Variants in PKHD1 observed in about 807,000 individuals in gnomAD.
The protein encoded by PKHD1 is PKHD1 ciliary IPT domain containing fibrocystin/polyductin.
In PKHD1, 291 loss-of-function variants were observed where a neutral mutation model predicts 412.0. The ratio of observed to expected loss-of-function variants is 0.71; its 90% CI spans 0.64 to 0.78. PKHD1 has a LOEUF of 0.78. Among genes scored for constraint, PKHD1 ranks in the 30% least tolerant of loss-of-function variants. The pLI is 0.00. For synonymous variants in PKHD1, 1,777 were observed against 1,821.5 expected (o/e 0.98, Z 0.62); for missense variants, 4,825 against 4,950.7 (o/e 0.97, Z 0.76).
In PKHD1 at chr6:52,025,404, G is replaced by C. The variant is rs748764955; in HGVS notation, c.4406C>G (p.Thr1469Ser). 1 of 1,610,482 alleles carries C rather than the reference G, an allele frequency of 6.2e-7. No homozygotes were observed. Among genetic ancestry groups the C allele is most frequent in the Admixed American group, 1.7e-5 (1 of 59,902 alleles). ...LNVTVLVNGL[T>S]SECQGNCTLF... ...AGTGCAATTCCCCTGACACTCGCTG[G>C]TTAGCCCATTGACCAGGACTGTGAC... The change falls in exon 32 of 67, where the codon ACC (threonine) becomes AGC (serine). Residue 1469 changes from threonine (T) to serine (S), a missense_variant. Thr to Ser is a moderately conservative substitution (Grantham distance 58, BLOSUM62 1). Coordinates refer to ENST00000371117, the MANE Select transcript of PKHD1 (RefSeq NM_138694.4).
chr6:52,013,676 C>A (rs1156544336), intron 34 of PKHD1, among the ~76,000 whole-genome samples: 6 of 152,122 alleles, frequency 3.9e-5, no homozygotes, highest in African/African-American at 1.4e-4. Context: ...ACTGCACACA[C>A]ACACACATAT....
At chr6:51,789,463 T>C (rs1222102027) in intron 53 of PKHD1, among the ~76,000 whole-genome samples, 1 of 152,112 alleles carries the variant, frequency 6.6e-6, no homozygotes, top group Non-Finnish European at 1.5e-5. Context: ...TTATTGAAGT[T>C]GGGCCTTTGA....
intron 52 of PKHD1, among the ~76,000 whole-genome samples, chr6:51,812,186 G>A (rs751225067): frequency 3.9e-5 from 6 of 152,142 alleles, no homozygotes; most frequent in Non-Finnish European, 8.8e-5. Context: ...TTAATAGCTG[G>A]TAGGTCCACA....
intron 52 of PKHD1, among the ~76,000 whole-genome samples, chr6:51,808,140 T>C (rs73740032): frequency 0.014 from 2,181 of 152,272 alleles, 45 homozygotes; most frequent in African/African-American, 0.049. Flanking sequence ...TATACTAATA[T>C]GGAATAATTA....
chr6:51,665,913 A>G (rs1287234719), intron 60 of PKHD1, among the ~76,000 whole-genome samples: 1 of 152,122 alleles, frequency 6.6e-6, no homozygotes, highest in East Asian at 1.9e-4. Context: ...AGCAGGAAGG[A>G]GGGCAGAGAG....
chr6:51,729,528 A>T (rs958537268), intron 60 of PKHD1, among the ~76,000 whole-genome samples: 1 of 151,912 alleles, frequency 6.6e-6, no homozygotes, highest in Non-Finnish European at 1.5e-5. Flanking sequence ...TTTCTTTTTC[A>T]TTTTCTGTTT....
At chr6:51,787,150 G>A (rs968838043) in intron 53 of PKHD1, among the ~76,000 whole-genome samples, 2 of 152,122 alleles carry the variant, frequency 1.3e-5, no homozygotes. Context: ...CACGAGTTCA[G>A]GAGTTCAAGA....
intron 43 of PKHD1, among the ~76,000 whole-genome samples, chr6:51,901,690 T>TAA (rs11331045): frequency 2.2e-5 from 3 of 138,228 alleles, no homozygotes; most frequent in Non-Finnish European, 4.8e-5. Flanking sequence ...AAAAAAAACT[T>TAA]AAAAAAAAAA....
At chr6:51,873,649 A>C (rs1776363403) in intron 46 of PKHD1, among the ~76,000 whole-genome samples, 1 of 152,338 alleles carries the variant, frequency 6.6e-6, no homozygotes, top group Non-Finnish European at 1.5e-5. Context: ...GGTAACATAG[A>C]AGATGAGAGG....
At position 52,070,998 on chromosome 6, in the gene PKHD1, T is replaced by C. The variant is rs1810528895; in HGVS notation, c.667+8A>G. On this transcript the variant is annotated splice_region_variant and intron_variant, in intron 9 of 66. Transcript: ENST00000371117. ...AGACTTTAAAATTATGTTACTTCTC[T>C]AACAGACCGATGTAGTCGCCTTCCA... 6.4e-7 allele frequency: 1 copy of C among 1,560,634 alleles called. No homozygotes were observed. The highest frequency in any genetic ancestry group is 8.8e-7 in the Non-Finnish European group (1 of 1,131,336).
chr6:51,895,739 A>G (rs991082176), intron 43 of PKHD1, among the ~76,000 whole-genome samples: 1 of 152,124 alleles, frequency 6.6e-6, no homozygotes, highest in Non-Finnish European at 1.5e-5. Context: ...CGATTTCTGC[A>G]TTTCCATCTG....
chr6:51,974,023 T>C (rs185869018), intron 35 of PKHD1, among the ~76,000 whole-genome samples: 1 of 152,288 alleles, frequency 6.6e-6, no homozygotes, highest in Admixed American at 6.5e-5. Context: ...TTTAAAATTT[T>C]CTTGATAGAG....
intron 47 of PKHD1, 76 bp downstream of exon 47, chr6:51,870,428 G>A: frequency 5.9e-6 from 7 of 1,178,142 alleles, no homozygotes; most frequent in Non-Finnish European, 8.9e-6. Context: ...GATTCACAAA[G>A]TATTTGCCAC....
intron 6 of PKHD1, among the ~76,000 whole-genome samples, chr6:52,075,156 G>C (rs1246861434): frequency 6.6e-6 from 1 of 152,156 alleles, no homozygotes; most frequent in African/African-American, 2.4e-5. Context: ...CAGACAAATG[G>C]AAAGGAGCAG....
chr6:51,779,096 C>T (rs1791556245), intron 53 of PKHD1, among the ~76,000 whole-genome samples: 1 of 152,080 alleles, frequency 6.6e-6, no homozygotes, highest in Admixed American at 6.6e-5. Flanking sequence ...GGGACAAGGA[C>T]AAAGAATAAT....
At chr6:51,749,489 T>C (rs1344120672) in intron 57 of PKHD1, among the ~76,000 whole-genome samples, 1 of 152,176 alleles carries the variant, frequency 6.6e-6, no homozygotes, top group East Asian at 1.9e-4. Flanking sequence ...GTAAAATTAA[T>C]AATAACATGA....
At chr6:51,765,024 T>C (rs1290295031) in intron 55 of PKHD1, among the ~76,000 whole-genome samples, 1 of 152,128 alleles carries the variant, frequency 6.6e-6, no homozygotes, top group African/African-American at 2.4e-5. Context: ...GATTTTCTTC[T>C]TGGCATCTAC....
At chr6:52,004,276 A>G (rs1288487212) in intron 35 of PKHD1, among the ~76,000 whole-genome samples, 2 of 152,108 alleles carry the variant, frequency 1.3e-5, no homozygotes, top group African/African-American at 4.8e-5. Flanking sequence ...CCAATCTAAT[A>G]TTATCTAGTG....
intron 52 of PKHD1, among the ~76,000 whole-genome samples, chr6:51,807,627 G>A (rs1265669567): frequency 2.6e-5 from 4 of 151,204 alleles, no homozygotes; most frequent in South Asian, 2.1e-4. Flanking sequence ...GAATTAATAC[G>A]TAAGAATGAG....
Sources: allele counts gnomAD v4.1 joint callset (sites outside exome capture counted in the v4.1 genomes callset), GRCh38; gene constraint gnomAD v4.1.1; transcripts MANE v1.5; gene names NCBI Gene and HGNC (gene_info 2026-07-23, HGNC 2026-07-21).